The following OR4D1 variants were observed in gnomAD, a reference collection of about 807,000 sequenced individuals.
OR4D1 encodes the protein olfactory receptor family 4 subfamily D member 1.
OR4D1 carries 10 observed loss-of-function variants against 14.2 expected under a neutral mutation model. The observed-to-expected ratio is 0.71, with a 90% CI of 0.44 to 1.20. The LOEUF (loss-of-function observed/expected upper bound fraction) is 1.20. Ranked by LOEUF, OR4D1 falls within the 50% of genes most tolerant of loss-of-function variation. OR4D1 has a pLI of 0.00. For synonymous variants in OR4D1, 141 were observed against 147.4 expected, an observed-to-expected ratio of 0.96 and a Z score of 0.32; for missense variants, 345 against 376.6, an observed-to-expected ratio of 0.92 and a Z score of 0.70.
Position 58,156,020 on chromosome 17 carries a change from G to A in OR4D1, c.867G>A (p.Leu289=). 6.2e-7 allele frequency: 1 copy of A among 1,614,066 alleles called. No homozygotes were observed. The highest frequency in any genetic ancestry group is 8.5e-7 in the Non-Finnish European group (1 of 1,179,988). The change falls in exon 4 of 4, where the codon CTG becomes CTA. Residue 289 remains leucine, a synonymous_variant. Coordinates refer to ENST00000268912, the MANE Select transcript of OR4D1 (RefSeq NM_001386095.1). ...TPMLNPMIYT[L]RNQDMKAAMR... is the part of the protein sequence containing the mutation. The stretch of plus-strand genomic sequence containing the variant: ...TGCTCAACCCCATGATCTACACCCT[G>A]AGAAACCAGGACATGAAAGCAGCCA...
At position 58,159,338 on chromosome 17, in the gene OR4D1, G is replaced by A. The variant is rs1250754357; in HGVS notation, c.*3252G>A. ...CCTTTAAGAGGTGATTAGGCCATGA[G>A]GATTCCTCCCTTATTAATGGGATTA... On this transcript the variant is annotated 3_prime_UTR_variant, in exon 4 of 4. Transcript: ENST00000268912. 6.6e-6 allele frequency: 1 copy of A among 152,202 alleles called. No individual in the cohort carries two copies. Among genetic ancestry groups the A allele is most frequent in the Non-Finnish European group, 1.5e-5 (1 of 68,046 alleles). 9.4% of individuals were successfully genotyped at this position (152,202 alleles called of 1,614,324 possible). A position where few individuals can be genotyped will look rare whatever the true frequency, so the allele number is the denominator to read the frequency against.
chr17:58,159,442 C>T lies in OR4D1; in HGVS notation c.*3356C>T, dbSNP rs1802094695. ...TTCTGCCATATGAGGACACAGCATT[C>T]CTCCCCTCTGGAGGATGCAGCAACA... On this transcript the variant is annotated 3_prime_UTR_variant, in exon 4 of 4. Transcript: ENST00000268912. 3.3e-5 allele frequency: 5 copies of T among 152,576 alleles called. No homozygotes were observed. Among genetic ancestry groups the T allele is most frequent in the Admixed American group, 3.3e-4 (5 of 15,288 alleles). 9.5% of individuals were successfully genotyped at this position (152,576 alleles called of 1,614,324 possible).
rs1967767977 is a variant in OR4D1, at chr17:58,156,009, A to G, written c.856A>G (p.Ile286Val). ...TVMTPMLNPM[I>V]YTLRNQDMKA... ...CATGACCCCCATGCTCAACCCCATGATCTACACCCTGAGAAACCAGGACAT... is the reference window on the plus strand; with the variant it reads ...CATGACCCCCATGCTCAACCCCATGGTCTACACCCTGAGAAACCAGGACAT... Residue 286 changes from isoleucine (I) to valine (V), a missense_variant, in exon 4 of 4, where the codon ATC (isoleucine) becomes GTC (valine). Ile to Val is a conservative substitution (Grantham distance 29). Transcript: ENST00000268912. The G allele has an allele frequency of 3.1e-6, 5 of 1,614,058 alleles. No homozygotes were observed. Among genetic ancestry groups the G allele is most frequent in the African/African-American group, 1.3e-5 (1 of 74,926 alleles).
At position 58,153,859 on chromosome 17, in the gene OR4D1, A is replaced by T. The variant is rs1377925634; in HGVS notation, c.-124A>T. On this transcript the variant is annotated splice_region_variant and 5_prime_UTR_variant, in exon 3 of 4. Coordinates refer to ENST00000268912, the MANE Select transcript of OR4D1 (RefSeq NM_001386095.1). Reference sequence around the variant, plus strand: ...TCTAATTTTCTTTTTCTTTTTAGAGATAAGATCAGCTGGAGTGCAGTGGCC... The same window carrying T: ...TCTAATTTTCTTTTTCTTTTTAGAGTTAAGATCAGCTGGAGTGCAGTGGCC... Among the ~76,000 whole-genome samples the T allele has an allele frequency of 6.6e-6, 1 of 152,190 alleles. No individual in the cohort carries two copies. Among genetic ancestry groups the T allele is most frequent in the Non-Finnish European group, 1.5e-5 (1 of 68,046 alleles).
In OR4D1 at chr17:58,155,892, G is replaced by A. The variant is rs201388810; in HGVS notation, c.739G>A (p.Val247Met). The change falls in exon 4 of 4, where the codon GTG (valine) becomes ATG (methionine). Residue 247 changes from valine (V) to methionine (M), a missense_variant. Coordinates refer to ENST00000268912, the MANE Select transcript of OR4D1 (RefSeq NM_001386095.1). The stretch of plus-strand genomic sequence containing the variant: ...CACCTGCACCACCCACATCATCGTG[G>A]TGTCCATGATCTTCATTCCCTGTAT... ...ASTCTTHIIV[V>M]SMIFIPCIYI... 9.9e-6 allele frequency: 16 copies of A among 1,614,100 alleles called. No homozygotes were observed. Among genetic ancestry groups the A allele is most frequent in the Non-Finnish European group, 1.4e-5 (16 of 1,180,014 alleles).
intron 3 of OR4D1, 55 bp from the exon 4 acceptor site, chr17:58,155,080 T>C: frequency 8.4e-7 from 1 of 1,197,206 alleles, no homozygotes; most frequent in Non-Finnish European, 1.2e-6. Context: ...CCAAGGAAAA[T>C]GATTGAATTT....
At chr17:58,152,558 T>C (rs1032446696) in intron 2 of OR4D1, among the ~76,000 whole-genome samples, 2 of 152,242 alleles carry the variant, frequency 1.3e-5, no homozygotes, top group African/African-American at 4.8e-5. Flanking sequence ...TAAAGTATTT[T>C]AAGGCAAGAC....
Position 58,155,730 on chromosome 17 carries a change from T to A in OR4D1, c.577T>A (p.Ser193Thr). ...ACTGAGACTTGCCTGCACTGATACC[T>A]CCCTCCTGGAGTTCCTCATGATCTC... is the stretch of plus-strand genomic sequence containing the variant. ...QVLRLACTDT[S>T]LLEFLMISNS... is the part of the protein sequence containing the mutation. Residue 193 changes from serine to threonine, a missense_variant, in exon 4 of 4, where the codon TCC (serine) becomes ACC (threonine). Ser to Thr is a moderately conservative substitution (Grantham distance 58). Coordinates refer to ENST00000268912, the MANE Select transcript of OR4D1 (RefSeq NM_001386095.1). 6.2e-7 allele frequency: 1 copy of A among 1,614,114 alleles called. No homozygotes were observed. Among genetic ancestry groups the A allele is most frequent in the Non-Finnish European group, 8.5e-7 (1 of 1,179,980 alleles).
intron 2 of OR4D1, among the ~76,000 whole-genome samples, 128 bp from the exon 3 acceptor site, chr17:58,153,729 G>T (rs1211217446): frequency 6.6e-6 from 1 of 152,174 alleles, no homozygotes; most frequent in African/African-American, 2.4e-5. Context: ...TTGTGGAAAG[G>T]TATAATCCAA....
chr17:58,155,287 T>C lies in OR4D1; in HGVS notation c.134T>C (p.Ile45Thr), dbSNP rs1267334327. The C allele has an allele frequency of 3.7e-6, 6 of 1,614,038 alleles. 1 individual carries two copies. The Admixed American group carries it at 6.7e-5, about 18-fold the overall frequency. The change falls in exon 4 of 4, where the codon ATC becomes ACC. Residue 45 changes from isoleucine (I) to threonine (T), a missense_variant. By Grantham distance (89) the Ile-to-Thr change is moderately conservative. Transcript: ENST00000268912. ...YVTTIVGNLL[I>T]MVTVTFDCRL... ...ACCACCATTGTGGGAAACCTCCTTA[T>C]CATGGTCACAGTGACTTTTGACTGC...
intron 2 of OR4D1, among the ~76,000 whole-genome samples, chr17:58,151,644 A>G (rs1217115793): frequency 6.6e-6 from 1 of 152,228 alleles, no homozygotes; most frequent in African/African-American, 2.4e-5. Flanking sequence ...TTATAAGAGC[A>G]TCAGTGCAAT....
chr17:58,152,734 A>T (rs1259328497), intron 2 of OR4D1, among the ~76,000 whole-genome samples: 1 of 152,132 alleles, frequency 6.6e-6, no homozygotes, highest in Non-Finnish European at 1.5e-5. Flanking sequence ...CAGGAGTTTG[A>T]AACCAGCAGG....
At chr17:58,155,093 A>AT (rs1462318468) in intron 3 of OR4D1, 42 bp from the exon 4 acceptor site, 37 of 1,299,834 alleles carry the variant, frequency 2.8e-5, no homozygotes, top group East Asian at 1.2e-4. Context: ...TTGAATTTTC[A>AT]TTTTTTTTGT....
In OR4D1 at chr17:58,155,271, G is replaced by A; in HGVS notation, c.118G>A (p.Val40Met). ...LFLLVYVTTI[V>M]GNLLIMVTVT... is the part of the protein sequence containing the mutation. Reference sequence around the variant, plus strand: ...CCTGTTAGTCTATGTTACCACCATTGTGGGAAACCTCCTTATCATGGTCAC... The same window carrying A: ...CCTGTTAGTCTATGTTACCACCATTATGGGAAACCTCCTTATCATGGTCAC... The change falls in exon 4 of 4, where the codon GTG (valine) becomes ATG (methionine). Residue 40 changes from valine (V) to methionine (M), a missense_variant. Physicochemically the swap from Val to Met is conservative, Grantham distance 21 (BLOSUM62 1). Transcript: ENST00000268912. The A allele has an allele frequency of 2.5e-6, 4 of 1,614,080 alleles. No individual in the cohort carries two copies. The highest frequency in any genetic ancestry group is 3.4e-6 in the Non-Finnish European group (4 of 1,180,006).
Position 58,156,156 on chromosome 17 carries a change from A to G in OR4D1, c.*70A>G. 5 of 1,041,590 alleles carry G rather than the reference A, an allele frequency of 4.8e-6. No homozygotes were observed. The highest frequency in any genetic ancestry group is 6.9e-6 in the Non-Finnish European group (5 of 728,864). The allele number at this position is 1,041,590 out of a possible 1,614,324, so 64.5% of individuals were successfully genotyped here. ...TATTTTCCCACATGAAAAATGGAGG[A>G]AAGTCTTTATAAAGCATAACAAATC... On this transcript the variant is annotated 3_prime_UTR_variant, in exon 4 of 4. Transcript: ENST00000268912.
rs770110236 is a variant in OR4D1, at chr17:58,155,172, A to G, written c.19A>G (p.Thr7Ala). Reference sequence around the variant, plus strand: ...AGATCCTATGGAACCACAGAACACCACACAGGTATCAATGTTTGTCCTCTT... The same window carrying G: ...AGATCCTATGGAACCACAGAACACCGCACAGGTATCAATGTTTGTCCTCTT... Reference protein sequence around the residue: MEPQNTTQVSMFVLLGF... With the variant: MEPQNTAQVSMFVLLGF... The change falls in exon 4 of 4, where the codon ACA becomes GCA. Residue 7 changes from threonine (T) to alanine (A), a missense_variant. By Grantham distance (58) the Thr-to-Ala change is moderately conservative (BLOSUM62 0). Coordinates refer to ENST00000268912, the MANE Select transcript of OR4D1 (RefSeq NM_001386095.1). 16 of 1,613,702 alleles carry G rather than the reference A, an allele frequency of 9.9e-6. No individual in the cohort carries two copies. In the South Asian group the frequency reaches 1.8e-4, roughly 18 times the overall value.
intron 2 of OR4D1, among the ~76,000 whole-genome samples, chr17:58,151,098 T>C (rs1034082135): frequency 6.6e-6 from 1 of 152,228 alleles, no homozygotes; most frequent in African/African-American, 2.4e-5. Flanking sequence ...TGGTTTTCCA[T>C]GTCCATTTTT....
At chr17:58,151,488 C>T (rs1336960869) in intron 2 of OR4D1, among the ~76,000 whole-genome samples, 1 of 150,142 alleles carries the variant, frequency 6.7e-6, no homozygotes, top group African/African-American at 2.5e-5. Flanking sequence ...CATCGTTCAG[C>T]TCCCACTTGT....
rs1967786974 is a variant in OR4D1, at chr17:58,157,134, C to T, written c.*1048C>T. ...GCGCCGCGTCAAGGTCTCCAGCCTG[C>T]CCTACAGTGTGGATGCGCTCGTGTC... On this transcript the variant is annotated 3_prime_UTR_variant, in exon 4 of 4. Transcript: ENST00000268912. 2.0e-6 allele frequency: 3 copies of T among 1,478,644 alleles called. No individual in the cohort carries two copies. Among genetic ancestry groups the T allele is most frequent in the African/African-American group, 2.8e-5 (2 of 71,512 alleles). The allele number at this position is 1,478,644 out of a possible 1,614,324, so 91.6% of individuals were successfully genotyped here. A position where few individuals can be genotyped will look rare whatever the true frequency, so the allele number is the denominator to read the frequency against.
Sources: allele counts gnomAD v4.1 joint callset (sites outside exome capture counted in the v4.1 genomes callset), GRCh38; gene constraint gnomAD v4.1.1; transcripts MANE v1.5; gene names NCBI Gene and HGNC (gene_info 2026-07-23, HGNC 2026-07-21).